Variants in PTMS observed in about 807,000 individuals in gnomAD.
PTMS encodes parathymosin.
Under a neutral mutation model 18.4 loss-of-function variants are expected in PTMS, and 5 were observed. The ratio of observed to expected loss-of-function variants is 0.27; its 90% CI spans 0.14 to 0.57. PTMS has a LOEUF of 0.57. PTMS is among the 20% of genes least tolerant of loss of function. The pLI is 0.92. For synonymous variants in PTMS, 53 were observed against 47.7 expected (o/e 1.11, Z -0.46); for missense variants, 93 against 124.6 (o/e 0.75, Z 1.21).
chr12:6,770,123 GC>G lies in PTMS; in HGVS notation c.197-31del. 6.2e-7 allele frequency: 1 copy of G among 1,613,578 alleles called. No homozygotes were observed. The highest frequency in any genetic ancestry group is 1.7e-5 in the Admixed American group (1 of 59,996). On this transcript the variant is annotated intron_variant, in intron 3 of 4. Transcript: ENST00000309083. The surrounding 1 kb of genome is among the most constrained non-coding windows in gnomAD (Gnocchi z 7.3). Reference sequence around the variant, plus strand: ...CACGGGGGCTCTGCCAGAGCTTCCTGCCCTTCCCCAATGACCCATTTCTGGC... The same window carrying G: ...CACGGGGGCTCTGCCAGAGCTTCCTGCCTTCCCCAATGACCCATTTCTGGC...
rs892430352 is a variant in PTMS at position 6,766,697 on chromosome 12, C to CCCGGCA, written c.-6_-1dup. 105 of 1,130,782 alleles carry CCCGGCA rather than the reference C, an allele frequency of 9.3e-5. 1 individual carries two copies. Among genetic ancestry groups the CCCGGCA allele is most frequent in the South Asian group, 1.1e-4 (4 of 36,768 alleles). 70.0% of individuals were successfully genotyped at this position (1,130,782 alleles called of 1,614,324 possible). A position where few individuals can be genotyped will look rare whatever the true frequency, so the allele number is the denominator to read the frequency against. Reference sequence around the variant, plus strand: ...GCTCCCCGCCAGCCCCGGCCCCGGCCCCGGCACCATGTCGGAGAAAAGCGT... The same window carrying CCCGGCA: ...GCTCCCCGCCAGCCCCGGCCCCGGCCCCGGCACCGGCACCATGTCGGAGAAAAGCGT... On this transcript the variant is annotated 5_prime_UTR_variant, in exon 1 of 5. Transcript: ENST00000309083.
At chr12:6,767,606 G>GGGGGC (rs1941788625) in intron 1 of PTMS, 1 of 137,456 alleles carries the variant, frequency 7.3e-6, no homozygotes, top group South Asian at 2.5e-4. Flanking sequence ...GGCGGGGGGG[G>GGGGGC]GGGGCGCGGT....
At chr12:6,769,317 T>G in intron 1 of PTMS, 1 of 468,138 alleles carries the variant, frequency 2.1e-6, no homozygotes, top group East Asian at 4.4e-5. Context: ...GCCAGTGAGG[T>G]TTGGGAGAAC....
In PTMS at chr12:6,770,209, C is replaced by T. The variant is rs759320133; in HGVS notation, c.249C>T (p.Ala83=). The change falls in exon 4 of 5, where the codon GCC becomes GCT. Residue 83 remains alanine (A), a synonymous_variant. Coordinates refer to ENST00000309083, the MANE Select transcript of PTMS (RefSeq NM_002824.6). The surrounding 1 kb of genome is among the most constrained non-coding windows in gnomAD (Gnocchi z 7.3). ...AAGGGCCCGCGCTGAAGAGAGCTGC[C>T]GAAGAGGAGGTTTGGGCTGGGTTGC... The part of the protein sequence containing the change: ...DDEGPALKRA[A]EEEDEADPKR... 73 of 1,613,936 alleles carry T rather than the reference C, an allele frequency of 4.5e-5. No homozygotes were observed. The highest frequency in any genetic ancestry group is 5.5e-5 in the Non-Finnish European group (65 of 1,179,990).
Position 6,770,698 on chromosome 12 carries a change from CTT to C in PTMS, c.*258_*259del, listed in dbSNP as rs1941827617. ...CTGGCCCCCAATTGCTCCTCTCTCT[CTT>C]TGCTCTCTTTCTCCCTCCCCTACCA... On this transcript the variant is annotated 3_prime_UTR_variant, in exon 5 of 5. Coordinates refer to ENST00000309083, the MANE Select transcript of PTMS (RefSeq NM_002824.6). The surrounding 1 kb of genome is among the most constrained non-coding windows in gnomAD (Gnocchi z 7.3). 1 of 573,764 alleles carries C rather than the reference CTT, an allele frequency of 1.7e-6. No individual in the cohort carries two copies. Among genetic ancestry groups the C allele is most frequent in the African/African-American group, 1.9e-5 (1 of 52,168 alleles). The allele number at this position is 573,764 out of a possible 1,614,324, so 35.5% of individuals were successfully genotyped here. A position where few individuals can be genotyped will look rare whatever the true frequency, so the allele number is the denominator to read the frequency against.
chr12:6,768,389 C>T (rs1017600288), intron 1 of PTMS, among the ~76,000 whole-genome samples: 10 of 152,038 alleles, frequency 6.6e-5, no homozygotes, highest in Admixed American at 1.3e-4. Context: ...GGAAGGGCAC[C>T]CTCTCTGGAG....
At position 6,766,753 on chromosome 12, in the gene PTMS, AC is replaced by A; in HGVS notation, c.45+4del. On this transcript the variant is annotated splice_donor_region_variant and intron_variant, in intron 1 of 4. Transcript: ENST00000309083. ...CAGCGGCCGAGTTGAGCGCCAAGGT[AC>A]GGGCGGGGGCGGCGGCGGCCCGGAC... is the stretch of plus-strand genomic sequence containing the variant. 2 of 1,070,618 alleles carry A rather than the reference AC, an allele frequency of 1.9e-6. No homozygotes were observed. The highest frequency in any genetic ancestry group is 2.3e-6 in the Non-Finnish European group (2 of 886,974). The allele number at this position is 1,070,618 out of a possible 1,614,324, so 66.3% of individuals were successfully genotyped here.
chr12:6,770,721 T>G lies in PTMS; in HGVS notation c.*279T>G. On this transcript the variant is annotated 3_prime_UTR_variant, in exon 5 of 5. Transcript: ENST00000309083. This position sits in a 1 kb window ranked among gnomAD's most constrained non-coding sequence, Gnocchi z 7.3. ...CTCTTTGCTCTCTTTCTCCCTCCCC[T>G]ACCAGCCTCATTCTTCCTCCGGTAG... 2 of 530,554 alleles carry G rather than the reference T, an allele frequency of 3.8e-6. No homozygotes were observed. Among genetic ancestry groups the G allele is most frequent in the Non-Finnish European group, 3.4e-6 (1 of 292,786 alleles). The allele number at this position is 530,554 out of a possible 1,614,324, so 32.9% of individuals were successfully genotyped here. A position where few individuals can be genotyped will look rare whatever the true frequency, so the allele number is the denominator to read the frequency against.
intron 1 of PTMS, among the ~76,000 whole-genome samples, chr12:6,767,826 G>A (rs1301533635): frequency 6.6e-6 from 1 of 152,242 alleles, no homozygotes; most frequent in Non-Finnish European, 1.5e-5. Context: ...GGGACTGCCC[G>A]TGTCAGTTAC....
intron 1 of PTMS, among the ~76,000 whole-genome samples, chr12:6,768,232 G>A (rs1043354646): frequency 6.6e-6 from 1 of 152,224 alleles, no homozygotes; most frequent in Non-Finnish European, 1.5e-5. Flanking sequence ...TCAGGCCAGG[G>A]CCATACAGAC....
chr12:6,766,884 C>T, intron 1 of PTMS, 134 bp downstream of exon 1: 1 of 462,504 alleles, frequency 2.2e-6, no homozygotes, highest in Non-Finnish European at 2.9e-6. Context: ...TGCGCCCTCC[C>T]ACCGCTCCCC....
rs1184416977 is a variant in PTMS, at chr12:6,766,847, T to G, written c.45+97T>G. 3.5e-6 allele frequency: 3 copies of G among 855,346 alleles called. No individual in the cohort carries two copies. The African/African-American group carries it at 5.6e-5, about 16-fold the overall frequency. The allele number at this position is 855,346 out of a possible 1,614,324, so 53.0% of individuals were successfully genotyped here. A position where few individuals can be genotyped will look rare whatever the true frequency, so the allele number is the denominator to read the frequency against. On this transcript the variant is annotated intron_variant, in intron 1 of 4. Coordinates refer to ENST00000309083, the MANE Select transcript of PTMS (RefSeq NM_002824.6). ...CGCCCCCGACGGCCCCGCGCGGCCC[T>G]TGCGCCCGGGTCCTGGCGGACCCCA... is the stretch of plus-strand genomic sequence containing the variant.
Position 6,766,583 on chromosome 12 carries a change from T to TGTCGCCGCCGCCGCC in PTMS, c.-121_-107dup, listed in dbSNP as rs1941768256. 2.3e-6 allele frequency: 1 copy of TGTCGCCGCCGCCGCC among 440,476 alleles called. No homozygotes were observed. The highest frequency in any genetic ancestry group is 4.8e-5 in the Admixed American group (1 of 20,750). 27.3% of individuals were successfully genotyped at this position (440,476 alleles called of 1,614,324 possible). On this transcript the variant is annotated 5_prime_UTR_variant, in exon 1 of 5. Coordinates refer to ENST00000309083, the MANE Select transcript of PTMS (RefSeq NM_002824.6). Reference sequence around the variant, plus strand: ...CTTGCCGAGCGGCCGCCGCTGCCGCTGTCGCCGCCGCCGCCGCCACCGCGC... The same window carrying TGTCGCCGCCGCCGCC: ...CTTGCCGAGCGGCCGCCGCTGCCGCTGTCGCCGCCGCCGCCGTCGCCGCCGCCGCCGCCACCGCGC...
rs1427003348 is a variant in PTMS at position 6,770,633 on chromosome 12, A to AT, written c.*193dup. 1 of 665,776 alleles carries AT rather than the reference A, an allele frequency of 1.5e-6. No homozygotes were observed. The highest frequency in any genetic ancestry group is 2.7e-5 in the East Asian group (1 of 36,610). The allele number at this position is 665,776 out of a possible 1,614,324, so 41.2% of individuals were successfully genotyped here. Reference sequence around the variant, plus strand: ...CTGCGCCCTCCACCCTCACTCTGCCATTGTTCCACCTCCTGACCTGCTCCA... The same window carrying AT: ...CTGCGCCCTCCACCCTCACTCTGCCATTTGTTCCACCTCCTGACCTGCTCCA... On this transcript the variant is annotated 3_prime_UTR_variant, in exon 5 of 5. Transcript: ENST00000309083. The surrounding 1 kb of genome is among the most constrained non-coding windows in gnomAD (Gnocchi z 7.3).
intron 2 of PTMS, 35 bp downstream of exon 2, chr12:6,769,709 C>T: frequency 6.2e-7 from 1 of 1,610,468 alleles, no homozygotes; most frequent in South Asian, 1.1e-5. Flanking sequence ...CACATCTGCC[C>T]TACCATCTTC....
At chr12:6,768,191 C>G (rs1042123696) in intron 1 of PTMS, among the ~76,000 whole-genome samples, 5 of 152,222 alleles carry the variant, frequency 3.3e-5, no homozygotes, top group Admixed American at 3.3e-4. Context: ...CTCTGGTATT[C>G]TCCCTCCCTG....
intron 1 of PTMS, among the ~76,000 whole-genome samples, 187 bp downstream of exon 1, chr12:6,766,937 G>T (rs953160534): frequency 1.1e-3 from 166 of 150,832 alleles, no homozygotes; most frequent in Admixed American, 2.4e-3. Context: ...TAGCGCCAGC[G>T]CCCTCTAGCT....
rs1366680145 is a variant in PTMS, at chr12:6,769,678, T to C, written c.117+4T>C. On this transcript the variant is annotated splice_donor_region_variant and intron_variant, in intron 2 of 4. Transcript: ENST00000309083. ...GCGAAAGAAAGAAGTGGTGGAGGTG[T>C]GGAGGGGTGGGGGAGAGGACCACAT... The C allele has an allele frequency of 6.2e-7, 1 of 1,613,032 alleles. No homozygotes were observed. The highest frequency in any genetic ancestry group is 2.2e-5 in the East Asian group (1 of 44,828).
At chr12:6,768,012 T>C (rs1481216923) in intron 1 of PTMS, among the ~76,000 whole-genome samples, 2 of 152,208 alleles carry the variant, frequency 1.3e-5, no homozygotes, top group Middle Eastern at 3.2e-3. Flanking sequence ...TGCATGGCTG[T>C]CGGCCGGTGT....
Sources: gnomAD v4.1 joint callset for allele counts (sites outside exome capture counted in the v4.1 genomes callset) on GRCh38, gnomAD v4.1.1 for gene constraint, Gnocchi (gnomAD v3.1) non-coding constraint, MANE v1.5 for transcripts, NCBI Gene and HGNC (gene_info 2026-07-23, HGNC 2026-07-21) for gene names.